The following SHB variants were observed in gnomAD, a reference collection of about 807,000 sequenced individuals.
SHB encodes the protein SH2 domain containing adaptor protein B, also known as SH2 domain-containing adapter protein B.
SHB carries 20 observed loss-of-function variants against 52.3 expected under a neutral mutation model. The ratio of observed to expected loss-of-function variants is 0.38; its 90% CI spans 0.27 to 0.56. The LOEUF is 0.56. Among genes scored for constraint, SHB ranks in the 20% least tolerant of loss-of-function variants. The pLI is 0.71. For synonymous variants in SHB, 397 were observed against 316.5 expected (o/e 1.25, Z -2.70); for missense variants, 825 against 723.3 (o/e 1.14, Z -1.61).
intron 1 of SHB, among the ~76,000 whole-genome samples, chr9:38,064,863 G>A (rs1206529827): frequency 3.3e-5 from 5 of 152,328 alleles, no homozygotes; most frequent in African/African-American, 1.2e-4. Flanking sequence ...GCAGGGTGCC[G>A]TGGTTCTCAC....
chr9:37,968,649 T>TG (rs1431577172), intron 3 of SHB, among the ~76,000 whole-genome samples: 3 of 152,210 alleles, frequency 2.0e-5, no homozygotes, highest in Admixed American at 1.3e-4. Flanking sequence ...CAAGAAGGTC[T>TG]GGGGGGTGCC....
intron 3 of SHB, among the ~76,000 whole-genome samples, chr9:37,971,941 T>A (rs1371531055): frequency 6.6e-6 from 1 of 152,232 alleles, no homozygotes; most frequent in Non-Finnish European, 1.5e-5. Context: ...ACAGATCACC[T>A]GGGATCTTGT....
chr9:37,976,777 G>A (rs1820662732), intron 2 of SHB, among the ~76,000 whole-genome samples: 1 of 152,178 alleles, frequency 6.6e-6, no homozygotes, highest in Admixed American at 6.5e-5. Flanking sequence ...CTCTCTTGAG[G>A]TCTTCCCGAA....
At position 37,929,595 on chromosome 9, in the gene SHB, T is replaced by C. The variant is rs368446953; in HGVS notation, c.1347-9591A>G. On this transcript the variant is annotated intron_variant, in intron 5 of 5. Coordinates refer to ENST00000377707, the MANE Select transcript of SHB (RefSeq NM_003028.3). ...GTCTGCTCTGTCATTCACGGCTGCA[T>C]TGGCAGCCCAGAAGCCATGGATGTG... Among the ~76,000 whole-genome samples, 37 of 152,262 alleles carry C rather than the reference T, an allele frequency of 2.4e-4. No individual in the cohort carries two copies. In the South Asian group the frequency reaches 5.8e-3, roughly 24 times the overall value.
At chr9:37,938,071 G>A (rs1832394208) in intron 5 of SHB, among the ~76,000 whole-genome samples, 2 of 152,178 alleles carry the variant, frequency 1.3e-5, no homozygotes, top group African/African-American at 4.8e-5. Context: ...TGTTTCCTGT[G>A]GGGCCTTTGT....
At chr9:38,043,699 G>T (rs1240127337) in intron 1 of SHB, among the ~76,000 whole-genome samples, 1 of 152,110 alleles carries the variant, frequency 6.6e-6, no homozygotes, top group Non-Finnish European at 1.5e-5. Flanking sequence ...AGACCAGCCT[G>T]ACCAACATGG....
At chr9:38,055,793 G>A (rs1587267025) in intron 1 of SHB, among the ~76,000 whole-genome samples, 1 of 151,956 alleles carries the variant, frequency 6.6e-6, no homozygotes, top group Admixed American at 6.6e-5. Context: ...TGAAACACTC[G>A]CTTGGCTCAA....
intron 2 of SHB, among the ~76,000 whole-genome samples, chr9:37,991,549 G>A (rs952702662): frequency 6.6e-6 from 1 of 152,090 alleles, no homozygotes. Context: ...ACATGACCCT[G>A]GTCATCCACA....
intron 2 of SHB, among the ~76,000 whole-genome samples, chr9:37,982,189 A>G (rs1340738131): frequency 6.6e-6 from 1 of 152,198 alleles, no homozygotes; most frequent in African/African-American, 2.4e-5. Context: ...GAGTCTCAAA[A>G]TCTGTATTTT....
intron 2 of SHB, among the ~76,000 whole-genome samples, chr9:38,014,726 CTGG>C (rs1016043650): frequency 3.9e-5 from 6 of 152,212 alleles, no homozygotes; most frequent in African/African-American, 1.4e-4. Flanking sequence ...GGAGGCCACA[CTGG>C]TGGTCAGAGA....
In SHB at chr9:37,996,796, T is replaced by C. The variant is rs565014725; in HGVS notation, c.838+19215A>G. ...GAATTCTGTCCCTTTGGTACCCCAA[T>C]GTAGCACTAATTATCTGTCTGATTC... On this transcript the variant is annotated intron_variant, in intron 2 of 5. Transcript: ENST00000377707. 2.6e-5 allele frequency among the ~76,000 whole-genome samples: 4 copies of C among 152,366 alleles called. No individual in the cohort carries two copies. The South Asian group carries it at 6.2e-4, about 24-fold the overall frequency.
At chr9:37,955,613 A>C (rs1260331773) in intron 4 of SHB, among the ~76,000 whole-genome samples, 1 of 151,990 alleles carries the variant, frequency 6.6e-6, no homozygotes, top group Admixed American at 6.6e-5. Flanking sequence ...AAGTAGCTGG[A>C]ACTACAGGTG....
intron 1 of SHB, among the ~76,000 whole-genome samples, chr9:38,061,222 G>A (rs1821887830): frequency 6.6e-6 from 1 of 151,172 alleles, no homozygotes; most frequent in Admixed American, 6.6e-5. Context: ...TGAGGTGGGA[G>A]AATCGCCTGA....
intron 4 of SHB, among the ~76,000 whole-genome samples, chr9:37,954,243 A>G (rs1832602695): frequency 6.6e-6 from 1 of 152,226 alleles, no homozygotes; most frequent in South Asian, 2.1e-4. Flanking sequence ...GCACTTGCTT[A>G]AAAGGGCAGC....
At chr9:37,973,085 G>T (rs1820610609) in intron 3 of SHB, among the ~76,000 whole-genome samples, 1 of 152,096 alleles carries the variant, frequency 6.6e-6, no homozygotes, top group African/African-American at 2.4e-5. Context: ...AGGTTATTAT[G>T]AACTCTTGCT....
chr9:37,986,686 G>A (rs1380717220), intron 2 of SHB, among the ~76,000 whole-genome samples: 9 of 152,214 alleles, frequency 5.9e-5, no homozygotes, highest in Non-Finnish European at 1.3e-4. Context: ...GCCCCCAGAT[G>A]TGGAAATGCT....
intron 2 of SHB, among the ~76,000 whole-genome samples, chr9:38,010,453 A>G (rs1821125298): frequency 6.6e-6 from 1 of 152,158 alleles, no homozygotes; most frequent in African/African-American, 2.4e-5. Flanking sequence ...CTCTTGCCCC[A>G]TGAGATTTTC....
chr9:38,020,820 T>TG (rs934005687), intron 1 of SHB, among the ~76,000 whole-genome samples: 11 of 151,944 alleles, frequency 7.2e-5, no homozygotes, highest in East Asian at 1.9e-4. Flanking sequence ...AGTGACGGGG[T>TG]GGGGGGGTGG....
intron 1 of SHB, among the ~76,000 whole-genome samples, chr9:38,048,834 T>C (rs1821695467): frequency 6.6e-6 from 1 of 152,206 alleles, no homozygotes; most frequent in Non-Finnish European, 1.5e-5. Context: ...CCAAATGTTT[T>C]AGGTGCTTTT....
Sources: gnomAD v4.1 joint callset for allele counts (sites outside exome capture counted in the v4.1 genomes callset) on GRCh38, gnomAD v4.1.1 for gene constraint, MANE v1.5 for transcripts, NCBI Gene and HGNC (gene_info 2026-07-23, HGNC 2026-07-21) for gene names.